CNNM2: variants seen among roughly 807,000 people sequenced by gnomAD.
CNNM2 encodes the protein cyclin and CBS domain divalent metal cation transport mediator 2, also known as metal transporter CNNM2.
CNNM2 carries 12 observed loss-of-function variants against 66.9 expected under a neutral mutation model. The ratio of observed to expected loss-of-function variants is 0.18; its 90% confidence interval spans 0.11 to 0.29. The LOEUF (loss-of-function observed/expected upper bound fraction) is 0.29, where lower values mean the gene tolerates loss of function less well. Among genes scored for constraint, CNNM2 ranks in the 10% least tolerant of loss-of-function variants. The pLI is 1.00. For synonymous variants in CNNM2, 557 were observed against 501.8 expected, an observed-to-expected ratio of 1.11 and a Z score of -1.47; for missense variants, 705 against 1,167.7, an observed-to-expected ratio of 0.60 and a Z score of 5.77.
intron 1 of CNNM2, among the ~76,000 whole-genome samples, chr10:103,035,201 G>A (rs2064913343): frequency 6.6e-6 from 1 of 152,072 alleles, no homozygotes; most frequent in African/African-American, 2.4e-5. Context: ...GTCAGTCCTC[G>A]TTTATCATTC....
At chr10:102,981,630 C>T (rs1386301357) in intron 1 of CNNM2, among the ~76,000 whole-genome samples, 1 of 151,646 alleles carries the variant, frequency 6.6e-6, no homozygotes, top group African/African-American at 2.4e-5. Flanking sequence ...TGAGCTCAAG[C>T]GATTTGCCTG....
chr10:102,961,763 A>C (rs1251599388), intron 1 of CNNM2, among the ~76,000 whole-genome samples: 3 of 152,128 alleles, frequency 2.0e-5, no homozygotes, highest in African/African-American at 7.2e-5. Context: ...AAATTTTACA[A>C]AGTTTTAAAA....
chr10:103,000,937 C>T (rs1200676481), intron 1 of CNNM2, among the ~76,000 whole-genome samples: 1 of 152,180 alleles, frequency 6.6e-6, no homozygotes, highest in Non-Finnish European at 1.5e-5. Flanking sequence ...AGCCAACCAA[C>T]TGTCCATCAG....
Position 103,065,638 on chromosome 10 carries a change from C to T in CNNM2, c.2074-2991C>T, listed in dbSNP as rs1339126303. Among the ~76,000 whole-genome samples, 4 of 152,194 alleles carry T rather than the reference C, an allele frequency of 2.6e-5. No homozygotes were observed. The East Asian group carries it at 7.7e-4, about 29-fold the overall frequency. ...CTTGTACAACAAATGCTCCAGATAACTGGAGACACCCAGGAACGGAAGTCA... is the reference window on the plus strand; with the variant it reads ...CTTGTACAACAAATGCTCCAGATAATTGGAGACACCCAGGAACGGAAGTCA... On this transcript the variant is annotated intron_variant, in intron 4 of 7. Coordinates refer to ENST00000369878, the MANE Select transcript of CNNM2 (RefSeq NM_017649.5).
chr10:103,067,356 C>G (rs543576224), intron 4 of CNNM2, among the ~76,000 whole-genome samples: 35 of 152,296 alleles, frequency 2.3e-4, no homozygotes, highest in Admixed American at 1.8e-3. Flanking sequence ...GTATGAGCCA[C>G]TGCTCCCAGC....
At chr10:102,969,805 G>A (rs1303281705) in intron 1 of CNNM2, among the ~76,000 whole-genome samples, 2 of 151,776 alleles carry the variant, frequency 1.3e-5, no homozygotes, top group African/African-American at 4.8e-5. Context: ...CACCACGCCT[G>A]GCTAATTTTG....
chr10:103,057,053 C>A, intron 4 of CNNM2, 89 bp downstream of exon 4: 1 of 1,298,642 alleles, frequency 7.7e-7, no homozygotes, highest in Non-Finnish European at 1.1e-6. Flanking sequence ...CGTGTACATA[C>A]TGAACCTTTC....
intron 1 of CNNM2, among the ~76,000 whole-genome samples, chr10:103,039,001 A>T (rs1377108821): frequency 2.7e-5 from 4 of 148,768 alleles, no homozygotes; most frequent in South Asian, 2.1e-4. Flanking sequence ...ATAAGTACTT[A>T]AAAAAAAAAG....
intron 1 of CNNM2, among the ~76,000 whole-genome samples, chr10:102,937,653 TAAAAA>T (rs1846286043): frequency 6.6e-6 from 1 of 152,166 alleles, no homozygotes; most frequent in Non-Finnish European, 1.5e-5. Context: ...TTTGCTAAAA[TAAAAA>T]GACCTTTTAG....
chr10:103,089,780 C>A lies in CNNM2; in HGVS notation c.*12600C>A. On this transcript the variant is annotated 3_prime_UTR_variant, in exon 8 of 8. Coordinates refer to ENST00000369878, the MANE Select transcript of CNNM2 (RefSeq NM_017649.5). Reference sequence around the variant, plus strand: ...TGGGAGGTTTAATCTCACTAATTGACCGTGTCAGCTGGTGCCGCTTGTAGT... The same window carrying A: ...TGGGAGGTTTAATCTCACTAATTGAACGTGTCAGCTGGTGCCGCTTGTAGT... The A allele has an allele frequency of 6.2e-7, 1 of 1,614,016 alleles. No homozygotes were observed. The highest frequency in any genetic ancestry group is 8.5e-7 in the Non-Finnish European group (1 of 1,179,982).
chr10:103,080,972 C>G lies in CNNM2; in HGVS notation c.*3792C>G, dbSNP rs967032710. ...AGGCCAGCCGGGGATCTGTAGCCAT[C>G]CTCGCCTTGCCTAGGCCCAGGAAGG... On this transcript the variant is annotated 3_prime_UTR_variant, in exon 8 of 8. Transcript: ENST00000369878. The G allele has an allele frequency of 1.3e-5, 2 of 152,206 alleles. No individual in the cohort carries two copies. Among genetic ancestry groups the G allele is most frequent in the Non-Finnish European group, 2.9e-5 (2 of 68,064 alleles). The allele number at this position is 152,206 out of a possible 1,614,324, so 9.4% of individuals were successfully genotyped here. A position where few individuals can be genotyped will look rare whatever the true frequency, so the allele number is the denominator to read the frequency against.
Position 102,919,640 on chromosome 10 carries a change from TC to T in CNNM2, c.1164del (p.Ala389LeufsTer17). On this transcript the variant is annotated frameshift_variant, in exon 1 of 8. Transcript: ENST00000369878. LOFTEE classifies it high-confidence loss of function. ...FLTKFFMMMTFPASYPVSKLL... is the reference protein window; with the variant it reads ...FLTKFFMMMTXPASYPVSKLL... ...ACCAAGTTTTTCATGATGATGACCTTCCCCGCTTCCTACCCGGTCAGCAAGC... is the reference window on the plus strand; with the variant it reads ...ACCAAGTTTTTCATGATGATGACCTTCCCGCTTCCTACCCGGTCAGCAAGC... 1 of 1,614,038 alleles carries T rather than the reference TC, an allele frequency of 6.2e-7. No homozygotes were observed. Among genetic ancestry groups the T allele is most frequent in the Non-Finnish European group, 8.5e-7 (1 of 1,180,008 alleles).
At chr10:103,034,272 AGAG>A (rs1188516609) in intron 1 of CNNM2, among the ~76,000 whole-genome samples, 1 of 151,884 alleles carries the variant, frequency 6.6e-6, no homozygotes, top group African/African-American at 2.4e-5. Context: ...CTTCCCAAAA[AGAG>A]GAGACTTGAG....
chr10:103,044,429 G>A (rs1204441415), intron 1 of CNNM2, among the ~76,000 whole-genome samples: 1 of 152,010 alleles, frequency 6.6e-6, no homozygotes, highest in African/African-American at 2.4e-5. Context: ...GGTGGTGCAC[G>A]CCTATAGTCC....
Position 102,918,629 on chromosome 10 carries a change from C to G in CNNM2, c.149C>G (p.Pro50Arg). The change falls in exon 1 of 8, where the codon CCG becomes CGG. Residue 50 changes from proline (P) to arginine (R), a missense_variant. Pro to Arg is a moderately radical substitution (Grantham distance 103, BLOSUM62 -2). Coordinates refer to ENST00000369878, the MANE Select transcript of CNNM2 (RefSeq NM_017649.5). The surrounding 1 kb of genome is among the most constrained non-coding windows in gnomAD (Gnocchi z 4.1). ...ILQAAAGRLLPLLLLSCCCGA... is the reference protein window; with the variant it reads ...ILQAAAGRLLRLLLLSCCCGA... ...CAGGCGGCTGCGGGGCGGCTGCTGC[C>G]GCTGCTCCTGCTGAGCTGCTGCTGC... 2 of 1,544,374 alleles carry G rather than the reference C, an allele frequency of 1.3e-6. No individual in the cohort carries two copies. The highest frequency in any genetic ancestry group is 1.7e-6 in the Non-Finnish European group (2 of 1,145,848).
intron 1 of CNNM2, among the ~76,000 whole-genome samples, chr10:103,004,282 G>A (rs1225229244): frequency 1.3e-5 from 2 of 152,236 alleles, no homozygotes; most frequent in South Asian, 2.1e-4. Context: ...GATTACAGGC[G>A]TGAGCCACCA....
chr10:102,968,153 G>C (rs565810484), intron 1 of CNNM2, among the ~76,000 whole-genome samples: 61 of 152,320 alleles, frequency 4.0e-4, no homozygotes, highest in South Asian at 2.1e-3. Flanking sequence ...CTGCCAAACT[G>C]TTCTCCAACT....
intron 1 of CNNM2, among the ~76,000 whole-genome samples, chr10:103,028,917 G>A (rs2064766860): frequency 6.7e-6 from 1 of 149,216 alleles, no homozygotes; most frequent in Non-Finnish European, 1.5e-5. Context: ...CCGCACACCA[G>A]GTTCAATCGA....
rs370523645 is a variant in CNNM2, at chr10:102,919,506, C to A, written c.1026C>A (p.Leu342=). The A allele has an allele frequency of 2.5e-6, 4 of 1,612,852 alleles. No homozygotes were observed. Reference sequence around the variant, plus strand: ...TCGACGACATCGCCGGCTCGGGCCTCGTGGCCGTGGTAGTCTCCACCATCG... The same window carrying A: ...TCGACGACATCGCCGGCTCGGGCCTAGTGGCCGTGGTAGTCTCCACCATCG... ...ILLDDIAGSG[L]VAVVVSTIGI... The change falls in exon 1 of 8, where the codon CTC becomes CTA. Residue 342 remains leucine (L), a synonymous_variant. Transcript: ENST00000369878.
Sources: allele counts gnomAD v4.1 joint callset (sites outside exome capture counted in the v4.1 genomes callset), GRCh38; gene constraint gnomAD v4.1.1; non-coding constraint Gnocchi (gnomAD v3.1); transcripts MANE v1.5; gene names NCBI Gene and HGNC (gene_info 2026-07-23, HGNC 2026-07-21).